The following AKT3 variants were observed in gnomAD, a reference collection of about 807,000 sequenced individuals.
The protein encoded by AKT3 is AKT serine/threonine kinase 3.
AKT3 carries 15 observed loss-of-function variants against 65.3 expected under a neutral mutation model. That is an observed-to-expected ratio of 0.23 (90% CI 0.15 to 0.35). AKT3 has a LOEUF of 0.35. Ranked by LOEUF, AKT3 falls within the 10% of genes least tolerant of loss-of-function variation. AKT3 has a pLI of 1.00. For missense variants in AKT3, 243 were observed against 576.5 expected (o/e 0.42, Z 5.92); for synonymous variants, 206 against 183.8 (o/e 1.12, Z -0.98).
At chr1:243,499,513 C>CT (rs1668975254), downstream of AKT3, among the ~76,000 whole-genome samples, 1 of 152,214 alleles carries the variant, frequency 6.6e-6, no homozygotes, top group Admixed American at 6.5e-5. Flanking sequence ...GCAGGCGTGT[C>CT]TTTTGTCTAG....
chr1:243,532,191 C>T (rs531525844), intron 12 of AKT3, among the ~76,000 whole-genome samples: 225 of 152,270 alleles, frequency 1.5e-3, no homozygotes, highest in Non-Finnish European at 2.6e-3. Flanking sequence ...TCTTCCTTAT[C>T]TCAGGGGAAA....
chr1:243,646,098 T>C (rs931741897), intron 4 of AKT3, 61 bp from the exon 5 acceptor site: 5 of 1,388,312 alleles, frequency 3.6e-6, no homozygotes, highest in African/African-American at 1.5e-5. Context: ...AATATTTTCC[T>C]TTTATAAACT....
chr1:243,515,313 T>A (rs1191276616), intron 12 of AKT3, among the ~76,000 whole-genome samples: 1 of 151,506 alleles, frequency 6.6e-6, no homozygotes, highest in Non-Finnish European at 1.5e-5. Flanking sequence ...TACTAAGGAG[T>A]GGAATGGCTG....
At chr1:243,783,575 T>A (rs1163798212) in intron 2 of AKT3, among the ~76,000 whole-genome samples, 4 of 152,188 alleles carry the variant, frequency 2.6e-5, no homozygotes, top group South Asian at 2.1e-4. Context: ...TAAAAAAAAA[T>A]TTAAAAATTT....
At chr1:243,671,880 C>G (rs1278131194) in intron 3 of AKT3, among the ~76,000 whole-genome samples, 1 of 152,170 alleles carries the variant, frequency 6.6e-6, no homozygotes, top group East Asian at 1.9e-4. Flanking sequence ...CTATCTCAAT[C>G]CCAATCCCAT....
intron 1 of AKT3, among the ~76,000 whole-genome samples, chr1:243,849,265 G>A (rs1379475889): frequency 6.6e-6 from 1 of 152,120 alleles, no homozygotes; most frequent in Non-Finnish European, 1.5e-5. Context: ...CAGCATCACT[G>A]GATCAGCCAA....
intron 2 of AKT3, among the ~76,000 whole-genome samples, chr1:243,773,591 C>T (rs1690340892): frequency 1.3e-5 from 2 of 152,024 alleles, no homozygotes; most frequent in Admixed American, 6.6e-5. Flanking sequence ...AGTGACTGTG[C>T]CCCAGCCTGG....
At chr1:243,687,264 T>C (rs1684389922) in intron 3 of AKT3, among the ~76,000 whole-genome samples, 1 of 152,122 alleles carries the variant, frequency 6.6e-6, no homozygotes. Context: ...CCATTCCTTA[T>C]ATTCTGATAA....
rs1682656062 is a variant in AKT3 at position 243,664,813 on chromosome 1, A to C, written c.243T>G (p.Thr81=). The C allele has an allele frequency of 1.3e-6, 2 of 1,588,472 alleles. No homozygotes were observed. Among genetic ancestry groups the C allele is most frequent in the African/African-American group, 1.4e-5 (1 of 73,672 alleles). Residue 81 remains threonine (T), a synonymous_variant, in exon 4 of 14, where the codon ACT becomes ACG. Coordinates refer to ENST00000673466, the MANE Select transcript of AKT3 (RefSeq NM_005465.7). The part of the protein sequence containing the change: ...TFIIRCLQWT[T]VIERTFHVDT... ...CTACATGAAATGTTCTCTCTATAAC[A>C]GTAGTCCACTGGAGACATCTGATTA...
At chr1:243,787,804 T>C (rs892886463) in intron 2 of AKT3, among the ~76,000 whole-genome samples, 9 of 152,146 alleles carry the variant, frequency 5.9e-5, no homozygotes, top group African/African-American at 2.2e-4. Flanking sequence ...CTTGCTACCA[T>C]CTGGACTGAG....
intron 2 of AKT3, among the ~76,000 whole-genome samples, chr1:243,767,630 T>C (rs1286768448): frequency 2.0e-5 from 3 of 152,088 alleles, no homozygotes; most frequent in Non-Finnish European, 2.9e-5. Flanking sequence ...TTTGAAAGAT[T>C]TGTCATTTAG....
intron 5 of AKT3, 31 bp downstream of exon 5, chr1:243,645,862 G>T (rs762493673): frequency 2.4e-5 from 38 of 1,559,212 alleles, no homozygotes; most frequent in Non-Finnish European, 3.0e-5. Context: ...ACAAATGAAT[G>T]CTGTGCTGGG....
At chr1:243,766,292 T>C (rs1283421116) in intron 2 of AKT3, among the ~76,000 whole-genome samples, 1 of 152,122 alleles carries the variant, frequency 6.6e-6, no homozygotes, top group Non-Finnish European at 1.5e-5. Context: ...CTACTGTGTG[T>C]AAGACTACCA....
intron 4 of AKT3, among the ~76,000 whole-genome samples, chr1:243,658,331 T>C (rs1456772981): frequency 6.6e-6 from 1 of 152,156 alleles, no homozygotes; most frequent in Non-Finnish European, 1.5e-5. Context: ...GACATACAAA[T>C]GATACACAGG....
intron 4 of AKT3, among the ~76,000 whole-genome samples, chr1:243,646,874 A>C (rs1180028018): frequency 6.6e-6 from 1 of 152,200 alleles, no homozygotes. Context: ...TAGTTTGAAC[A>C]ATCAGTCTCA....
At chr1:243,570,719 A>G (rs995108011) in intron 9 of AKT3, among the ~76,000 whole-genome samples, 1 of 152,180 alleles carries the variant, frequency 6.6e-6, no homozygotes, top group Non-Finnish European at 1.5e-5. Flanking sequence ...TACAAATAAC[A>G]TGTGTGTAAG....
chr1:243,751,757 CA>C, intron 2 of AKT3, among the ~76,000 whole-genome samples: 1 of 152,098 alleles, frequency 6.6e-6, no homozygotes, highest in African/African-American at 2.4e-5. Context: ...ACCCAGCCCA[CA>C]GGGGAAGAGA....
intron 2 of AKT3, among the ~76,000 whole-genome samples, chr1:243,746,700 T>C (rs1226352351): frequency 3.9e-5 from 6 of 152,204 alleles, no homozygotes; most frequent in African/African-American, 1.4e-4. Context: ...TCATATTCAA[T>C]TGTTTGTTTT....
At chr1:243,844,304 A>C (rs564001200) in intron 1 of AKT3, among the ~76,000 whole-genome samples, 6 of 152,322 alleles carry the variant, frequency 3.9e-5, no homozygotes, top group South Asian at 2.1e-4. Flanking sequence ...CCAAGATCTG[A>C]ACCCAGGCTG....
Sources: allele counts gnomAD v4.1 joint callset (sites outside exome capture counted in the v4.1 genomes callset), GRCh38; gene constraint gnomAD v4.1.1; transcripts MANE v1.5; gene names NCBI Gene and HGNC (gene_info 2026-07-23, HGNC 2026-07-21).